DNAAF9: variants seen among roughly 807,000 people sequenced by gnomAD.
The protein encoded by DNAAF9 is shulin.
DNAAF9 carries 90 observed loss-of-function variants against 167.0 expected under a neutral mutation model. That is an observed-to-expected ratio of 0.54 (90% confidence interval 0.45 to 0.64). The LOEUF (loss-of-function observed/expected upper bound fraction) is 0.64. Among genes scored for constraint, DNAAF9 ranks in the 30% least tolerant of loss-of-function variants. DNAAF9 has a pLI of 0.00. For synonymous variants in DNAAF9, 491 were observed against 508.8 expected (o/e 0.96, Z 0.47); for missense variants, 1,315 against 1,442.2 (o/e 0.91, Z 1.43).
At chr20:3,304,334 A>C in intron 21 of DNAAF9, 106 bp downstream of exon 21, 1 of 712,488 alleles carries the variant, frequency 1.4e-6, no homozygotes, top group Non-Finnish European at 2.5e-6. Flanking sequence ...GGTTCCTGAC[A>C]TACTGCCCTG....
Position 3,362,098 on chromosome 20 carries a change from G to A in DNAAF9, c.613-2505C>T, listed in dbSNP as rs2083371794. On this transcript the variant is annotated intron_variant, in intron 6 of 36. Coordinates refer to ENST00000252032, the MANE Select transcript of DNAAF9 (RefSeq NM_001009984.3). ...AAATATTACAAAGGGGGGTGCTTCT[G>A]AGTATTTAGGTCCATATTCTATTTT... The A allele has an allele frequency of 2.2e-6, 3 of 1,388,018 alleles. No individual in the cohort carries two copies. The Admixed American group carries it at 5.4e-5, about 25-fold the overall frequency. 86.0% of individuals were successfully genotyped at this position (1,388,018 alleles called of 1,614,324 possible). A position where few individuals can be genotyped will look rare whatever the true frequency, so the allele number is the denominator to read the frequency against.
At chr20:3,346,618 T>C (rs2070198686) in intron 8 of DNAAF9, among the ~76,000 whole-genome samples, 1 of 152,096 alleles carries the variant, frequency 6.6e-6, no homozygotes, top group Non-Finnish European at 1.5e-5. Flanking sequence ...GGTGAGAATA[T>C]GAGAAAATGC....
intron 10 of DNAAF9, 69 bp downstream of exon 10, chr20:3,340,435 C>CCCCA: frequency 4.7e-6 from 1 of 212,126 alleles, no homozygotes. Context: ...TGTCTAGCTC[C>CCCCA]CCCCACCCAC....
chr20:3,255,190 G>A lies in DNAAF9; in HGVS notation c.3327+29C>T, dbSNP rs368323612. 5.8e-4 allele frequency: 841 copies of A among 1,458,918 alleles called. 2 individuals carry two copies. The highest frequency in any genetic ancestry group is 8.5e-4 in the Admixed American group (43 of 50,834). The allele number at this position is 1,458,918 out of a possible 1,614,324, so 90.4% of individuals were successfully genotyped here. On this transcript the variant is annotated intron_variant, in intron 35 of 36. Coordinates refer to ENST00000252032, the MANE Select transcript of DNAAF9 (RefSeq NM_001009984.3). The stretch of plus-strand genomic sequence containing the variant: ...AAGCCGAGGACAGCCCTGGGCCACC[G>A]AGGGGAGAAGCCAGGGCAAGGCACT...
At chr20:3,370,347 C>T (rs562382160) in intron 6 of DNAAF9, among the ~76,000 whole-genome samples, 9 of 152,082 alleles carry the variant, frequency 5.9e-5, no homozygotes, top group Non-Finnish European at 1.0e-4. Flanking sequence ...CTCCAGGGCT[C>T]AAGCTATCCT....
intron 31 of DNAAF9, among the ~76,000 whole-genome samples, 187 bp downstream of exon 31, chr20:3,264,251 A>G (rs1290713975): frequency 6.6e-6 from 1 of 152,254 alleles, no homozygotes; most frequent in Non-Finnish European, 1.5e-5. Flanking sequence ...TTGGAGCCCA[A>G]GAGGTGGAGC....
At chr20:3,294,080 G>A in intron 25 of DNAAF9, 59 bp downstream of exon 25, 1 of 938,382 alleles carries the variant, frequency 1.1e-6, no homozygotes, top group Non-Finnish European at 1.7e-6. Flanking sequence ...AAGATTCAGG[G>A]GCAGGCTCTC....
chr20:3,294,346 GA>G, intron 24 of DNAAF9, 90 bp from the exon 25 acceptor site: 2 of 914,868 alleles, frequency 2.2e-6, no homozygotes, highest in Non-Finnish European at 3.5e-6. Flanking sequence ...CTTAATTGCT[GA>G]AAAATAAACC....
chr20:3,304,302 T>C lies in DNAAF9; in HGVS notation c.1782+138A>G, dbSNP rs2069248638. The C allele has an allele frequency of 2.9e-4, 193 of 671,932 alleles. 4 individuals are homozygous for C. In the South Asian group the frequency reaches 3.1e-3, roughly 11 times the overall value. The allele number at this position is 671,932 out of a possible 1,614,324, so 41.6% of individuals were successfully genotyped here. A position where few individuals can be genotyped will look rare whatever the true frequency, so the allele number is the denominator to read the frequency against. On this transcript the variant is annotated intron_variant, in intron 21 of 36. Transcript: ENST00000252032. Reference sequence around the variant, plus strand: ...CAGGCCTCTCCACGACCTCCCTCCCTGCCTGCCTCAGTGGCTGTGCTGGTT... The same window carrying C: ...CAGGCCTCTCCACGACCTCCCTCCCCGCCTGCCTCAGTGGCTGTGCTGGTT...
chr20:3,267,901 C>T (rs538013677), intron 30 of DNAAF9, among the ~76,000 whole-genome samples: 40 of 152,182 alleles, frequency 2.6e-4, no homozygotes, highest in African/African-American at 9.2e-4. Context: ...ATAATCTCCT[C>T]TCTTCAATCA....
intron 1 of DNAAF9, among the ~76,000 whole-genome samples, chr20:3,394,728 C>T (rs1231638692): frequency 6.6e-6 from 1 of 152,030 alleles, no homozygotes; most frequent in African/African-American, 2.4e-5. Flanking sequence ...TCAGAATTTG[C>T]TAAACTGTCG....
At position 3,259,910 on chromosome 20, in the gene DNAAF9, G is replaced by C. The variant is rs779847327; in HGVS notation, c.2980+12C>G. On this transcript the variant is annotated intron_variant, in intron 32 of 36. Coordinates refer to ENST00000252032, the MANE Select transcript of DNAAF9 (RefSeq NM_001009984.3). ...TTTTTCCAGTGTCTAGGACATCTCA[G>C]TCAAGGCTTACCTTTACATTTGGCC... 2 of 1,521,602 alleles carry C rather than the reference G, an allele frequency of 1.3e-6. No homozygotes were observed. Among genetic ancestry groups the C allele is most frequent in the African/African-American group, 1.4e-5 (1 of 73,228 alleles). The allele number at this position is 1,521,602 out of a possible 1,614,324, so 94.3% of individuals were successfully genotyped here.
chr20:3,267,433 G>C (rs1167122036), intron 30 of DNAAF9, among the ~76,000 whole-genome samples: 2 of 152,104 alleles, frequency 1.3e-5, no homozygotes, highest in African/African-American at 4.8e-5. Context: ...CCTTGTAGTG[G>C]GGACTGGTAC....
Position 3,381,993 on chromosome 20 carries a change from A to G in DNAAF9, c.163+434T>C, listed in dbSNP as rs1412834681. Among the ~76,000 whole-genome samples the G allele has an allele frequency of 6.6e-5, 10 of 152,202 alleles. 1 individual carries two copies. The highest frequency in any genetic ancestry group is 6.5e-4 in the Admixed American group (10 of 15,284). ...TAGATGCTGGGGTATGGTGGTGAAC[A>G]TGCCTGCAAATGACCCTCATGAAGC... On this transcript the variant is annotated intron_variant, in intron 2 of 36. Transcript: ENST00000252032.
At chr20:3,259,413 C>G (rs376717628) in intron 33 of DNAAF9, 67 bp downstream of exon 33, 24 of 1,025,274 alleles carry the variant, frequency 2.3e-5, no homozygotes, top group East Asian at 1.9e-4. Context: ...AGCAGAGGCT[C>G]TGAACTCACA....
At chr20:3,304,592 G>C (rs141010495) in intron 20 of DNAAF9, 49 bp from the exon 21 acceptor site, 9,736 of 833,962 alleles carry the variant, frequency 0.012, 216 homozygotes, top group Admixed American at 0.074. Context: ...GGTGCTGGGG[G>C]TCAGATTCCA....
intron 1 of DNAAF9, among the ~76,000 whole-genome samples, chr20:3,389,646 T>C (rs910008631): frequency 2.0e-5 from 3 of 151,444 alleles, no homozygotes; most frequent in African/African-American, 4.9e-5. Flanking sequence ...CAGCATTATA[T>C]AAAACAAAAA....
chr20:3,373,265 C>G (rs970089220), intron 6 of DNAAF9, among the ~76,000 whole-genome samples: 1 of 152,160 alleles, frequency 6.6e-6, no homozygotes, highest in Non-Finnish European at 1.5e-5. Context: ...TCTAAGGGAC[C>G]CACTTACTCT....
At chr20:3,339,037 G>A (rs1600815365) in intron 10 of DNAAF9, among the ~76,000 whole-genome samples, 1 of 151,640 alleles carries the variant, frequency 6.6e-6, no homozygotes, top group South Asian at 2.1e-4. Context: ...CCAATGTCAC[G>A]CTTACTGATT....
Sources: gnomAD v4.1 joint callset for allele counts (sites outside exome capture counted in the v4.1 genomes callset) on GRCh38, gnomAD v4.1.1 for gene constraint, MANE v1.5 for transcripts, NCBI Gene and HGNC (gene_info 2026-07-23, HGNC 2026-07-21) for gene names.